MAPKAP1: variants seen among roughly 807,000 people sequenced by gnomAD.
MAPKAP1 encodes the protein MAPK associated protein 1.
In MAPKAP1, 20 loss-of-function variants were observed where a neutral mutation model predicts 65.7. The observed-to-expected ratio is 0.30, with a 90% confidence interval of 0.21 to 0.44. MAPKAP1 has a LOEUF of 0.44. Among genes scored for constraint, MAPKAP1 ranks in the 20% least tolerant of loss-of-function variants. MAPKAP1 has a pLI of 1.00. For missense variants in MAPKAP1, 423 were observed against 648.0 expected (o/e 0.65, Z 3.77); for synonymous variants, 222 against 244.3 (o/e 0.91, Z 0.85).
intron 1 of MAPKAP1, among the ~76,000 whole-genome samples, chr9:125,700,928 C>T (rs981810524): frequency 1.3e-5 from 2 of 152,162 alleles, no homozygotes; most frequent in African/African-American, 4.8e-5. Flanking sequence ...TACATATAGT[C>T]AATAGGCACT....
intron 4 of MAPKAP1, among the ~76,000 whole-genome samples, chr9:125,597,175 G>A (rs564149163): frequency 7.0e-6 from 1 of 143,516 alleles, no homozygotes; most frequent in South Asian, 2.2e-4. Flanking sequence ...TGAGGCAGGA[G>A]AATGGCGTGA....
At chr9:125,565,569 G>A (rs940652617) in intron 5 of MAPKAP1, 13 of 284,734 alleles carry the variant, frequency 4.6e-5, no homozygotes, top group Non-Finnish European at 8.9e-5. Flanking sequence ...TTGGGCATTA[G>A]CAAGGGAAAA....
intron 10 of MAPKAP1, among the ~76,000 whole-genome samples, chr9:125,452,634 G>A (rs1213704880): frequency 2.0e-5 from 3 of 151,964 alleles, no homozygotes; most frequent in African/African-American, 7.3e-5. Flanking sequence ...TTAGAAATTC[G>A]GCCAGGTGTG....
intron 8 of MAPKAP1, among the ~76,000 whole-genome samples, chr9:125,485,065 T>A (rs990240708): frequency 1.3e-5 from 2 of 152,098 alleles, no homozygotes; most frequent in Non-Finnish European, 2.9e-5. Context: ...TTTCACTCGT[T>A]CCCCATAGCA....
At chr9:125,665,001 T>A (rs1834299512) in intron 3 of MAPKAP1, among the ~76,000 whole-genome samples, 1 of 152,040 alleles carries the variant, frequency 6.6e-6, no homozygotes, top group Non-Finnish European at 1.5e-5. Context: ...ATTTACTGGC[T>A]TTGAATGAAG....
chr9:125,591,079 C>T (rs891049419), intron 4 of MAPKAP1, among the ~76,000 whole-genome samples: 3 of 152,152 alleles, frequency 2.0e-5, no homozygotes, highest in Non-Finnish European at 4.4e-5. Context: ...CTGGCGTAAC[C>T]TTTATATTAT....
chr9:125,472,690 G>A (rs780864354), intron 9 of MAPKAP1, among the ~76,000 whole-genome samples: 2 of 152,190 alleles, frequency 1.3e-5, no homozygotes, highest in Non-Finnish European at 2.9e-5. Context: ...TAGAGGAATA[G>A]TTGATCCAAC....
At position 125,614,045 on chromosome 9, in the gene MAPKAP1, G is replaced by A. The variant is rs1346922514; in HGVS notation, c.499-28318C>T. Among the ~76,000 whole-genome samples, 19 of 152,056 alleles carry A rather than the reference G, an allele frequency of 1.2e-4. No homozygotes were observed. In the South Asian group the frequency reaches 1.5e-3, roughly 12 times the overall value. On this transcript the variant is annotated intron_variant, in intron 4 of 11. Coordinates refer to ENST00000265960, the MANE Select transcript of MAPKAP1 (RefSeq NM_001006617.3). ...GATCTCCTGACCTCGTGATCCACCCGCCTCGGCCTCCCAAAGTGCTGGGAT... is the reference window on the plus strand; with the variant it reads ...GATCTCCTGACCTCGTGATCCACCCACCTCGGCCTCCCAAAGTGCTGGGAT...
intron 10 of MAPKAP1, among the ~76,000 whole-genome samples, chr9:125,461,758 T>TA (rs1853505589): frequency 6.6e-6 from 1 of 152,172 alleles, no homozygotes; most frequent in South Asian, 2.1e-4. Context: ...AAGCCCTTGT[T>TA]AGAGAATAAA....
intron 9 of MAPKAP1, among the ~76,000 whole-genome samples, chr9:125,469,379 C>G (rs1265905504): frequency 1.3e-5 from 2 of 152,068 alleles, no homozygotes; most frequent in African/African-American, 2.4e-5. Context: ...CACACACACC[C>G]CAAACACAGT....
At chr9:125,677,150 G>C (rs957064530) in intron 1 of MAPKAP1, among the ~76,000 whole-genome samples, 1 of 152,142 alleles carries the variant, frequency 6.6e-6, no homozygotes, top group Non-Finnish European at 1.5e-5. Context: ...ACAGCCAGAC[G>C]TCTTTTGGCC....
chr9:125,439,726 T>C lies in MAPKAP1; in HGVS notation c.1444-714A>G, dbSNP rs934899564. 2.6e-5 allele frequency among the ~76,000 whole-genome samples: 4 copies of C among 151,964 alleles called. No individual in the cohort carries two copies. Among genetic ancestry groups the C allele is most frequent in the African/African-American group, 4.8e-5 (2 of 41,470 alleles). On this transcript the variant is annotated intron_variant, in intron 11 of 11. Transcript: ENST00000265960. The surrounding 1 kb of genome is among the most constrained non-coding windows in gnomAD (Gnocchi z 4.0). ...CCCTGGGAGTCTGCCCGGAGTCGCA[T>C]GTGCATCTTCCACTCTGTGTAGCAG... is the stretch of plus-strand genomic sequence containing the variant.
At chr9:125,601,230 C>A (rs74418226) in intron 4 of MAPKAP1, among the ~76,000 whole-genome samples, 3,290 of 152,196 alleles carry the variant, frequency 0.022, 50 homozygotes, top group South Asian at 0.041. Flanking sequence ...AACCCTCCAA[C>A]TACCCCGAGG....
intron 10 of MAPKAP1, among the ~76,000 whole-genome samples, chr9:125,453,645 C>T (rs1355427477): frequency 6.6e-6 from 1 of 152,064 alleles, no homozygotes; most frequent in Non-Finnish European, 1.5e-5. Flanking sequence ...TTTTTGTATT[C>T]TGTTACATTA....
intron 4 of MAPKAP1, among the ~76,000 whole-genome samples, chr9:125,626,412 A>C (rs1026178713): frequency 1.2e-4 from 19 of 152,238 alleles, no homozygotes; most frequent in African/African-American, 4.3e-4. Flanking sequence ...AATTCTAGTA[A>C]GCTTGTCTCC....
intron 2 of MAPKAP1, 149 bp downstream of exon 2, chr9:125,672,167 G>A: frequency 1.3e-6 from 1 of 788,290 alleles, no homozygotes. Context: ...TGGAGATGTT[G>A]CTCAGACTCA....
At chr9:125,579,694 C>G (rs936833359) in intron 5 of MAPKAP1, among the ~76,000 whole-genome samples, 1 of 152,204 alleles carries the variant, frequency 6.6e-6, no homozygotes, top group Non-Finnish European at 1.5e-5. Context: ...ATGAAAAGCT[C>G]TTTCACAGGG....
At chr9:125,687,288 C>G (rs567297566) in intron 1 of MAPKAP1, among the ~76,000 whole-genome samples, 1 of 152,164 alleles carries the variant, frequency 6.6e-6, no homozygotes, top group African/African-American at 2.4e-5. Flanking sequence ...AGTGTTTTGC[C>G]ACATCTAGAG....
At chr9:125,551,975 C>T (rs1383927565) in intron 6 of MAPKAP1, among the ~76,000 whole-genome samples, 1 of 152,154 alleles carries the variant, frequency 6.6e-6, no homozygotes, top group Non-Finnish European at 1.5e-5. Flanking sequence ...AGATGCTGGG[C>T]ACTATCTGAG....
Sources: gnomAD v4.1 joint callset for allele counts (sites outside exome capture counted in the v4.1 genomes callset) on GRCh38, gnomAD v4.1.1 for gene constraint, Gnocchi (gnomAD v3.1) non-coding constraint, MANE v1.5 for transcripts, NCBI Gene and HGNC (gene_info 2026-07-23, HGNC 2026-07-21) for gene names.